RASSF2: variants seen among roughly 807,000 people sequenced by gnomAD.
RASSF2 encodes the protein Ras association domain family member 2.
A neutral mutation model predicts 46.3 loss-of-function variants in RASSF2; 34 were observed. The observed-to-expected ratio is 0.73, with a 90% CI of 0.56 to 0.98. The LOEUF is 0.98. Among genes scored for constraint, RASSF2 ranks in the 50% least tolerant of loss-of-function variants. RASSF2 has a pLI of 0.00. For missense variants in RASSF2, 364 were observed against 431.2 expected (o/e 0.84, Z 1.38); for synonymous variants, 158 against 162.5 (o/e 0.97, Z 0.21).
rs1928875058 is a variant in RASSF2, at chr20:4,823,608, T to A, written c.-159A>T. 1 of 153,240 alleles carries A rather than the reference T, an allele frequency of 6.5e-6. No individual in the cohort carries two copies. The highest frequency in any genetic ancestry group is 2.1e-4 in the South Asian group (1 of 4,842). The allele number at this position is 153,240 out of a possible 1,614,324, so 9.5% of individuals were successfully genotyped here. ...TTTTCTCTCGCTCTTCATATCACTC[T>A]CCACCCCTTCGCCTTGCCTTCGCCT... On this transcript the variant is annotated 5_prime_UTR_variant, in exon 1 of 12. Coordinates refer to ENST00000379400, the MANE Select transcript of RASSF2 (RefSeq NM_014737.3).
At chr20:4,792,507 C>T in intron 6 of RASSF2, 32 bp downstream of exon 6, 1 of 1,613,524 alleles carries the variant, frequency 6.2e-7, no homozygotes, top group Non-Finnish European at 8.5e-7. Flanking sequence ...ACAGTTGGTC[C>T]CTAGCTGGAA....
chr20:4,791,508 T>C (rs1232935113), intron 6 of RASSF2, among the ~76,000 whole-genome samples: 4 of 152,258 alleles, frequency 2.6e-5, no homozygotes, highest in Non-Finnish European at 5.9e-5. Flanking sequence ...CCATGGCATA[T>C]GTCTATCCTT....
chr20:4,809,765 C>T (rs986701514), intron 2 of RASSF2, among the ~76,000 whole-genome samples: 4 of 152,072 alleles, frequency 2.6e-5, no homozygotes, highest in African/African-American at 7.2e-5. Context: ...GGAGGCAGGA[C>T]GGGGGCAGTG....
intron 11 of RASSF2, among the ~76,000 whole-genome samples, chr20:4,784,567 T>G (rs555299905): frequency 2.1e-5 from 3 of 143,018 alleles, no homozygotes; most frequent in South Asian, 2.2e-4. Flanking sequence ...AATTAGATTA[T>G]TTTACTATGG....
At chr20:4,801,766 C>G (rs2122563466) in intron 2 of RASSF2, among the ~76,000 whole-genome samples, 1 of 152,132 alleles carries the variant, frequency 6.6e-6, no homozygotes, top group Middle Eastern at 3.4e-3. Flanking sequence ...GAGAAAGAGT[C>G]TCACTCTCTT....
intron 11 of RASSF2, among the ~76,000 whole-genome samples, chr20:4,785,392 G>T (rs1460012399): frequency 1.3e-5 from 2 of 152,110 alleles, no homozygotes; most frequent in African/African-American, 2.4e-5. Context: ...CATAGTAAGT[G>T]TTCAGTGTGT....
In RASSF2 at chr20:4,790,738, T is replaced by G. The variant is rs1457364445; in HGVS notation, c.377-127A>C. 1.5e-6 allele frequency: 1 copy of G among 678,678 alleles called. No individual in the cohort carries two copies. The highest frequency in any genetic ancestry group is 2.2e-6 in the Non-Finnish European group (1 of 463,554). 42.0% of individuals were successfully genotyped at this position (678,678 alleles called of 1,614,324 possible). On this transcript the variant is annotated intron_variant, in intron 6 of 11. Transcript: ENST00000379400. This position sits in a 1 kb window ranked among gnomAD's most constrained non-coding sequence, Gnocchi z 4.3. Reference sequence around the variant, plus strand: ...ATATATATTTTATACAAATAATATTTTCTGCTGGGGGAAAAACATAATGCA... The same window carrying G: ...ATATATATTTTATACAAATAATATTGTCTGCTGGGGGAAAAACATAATGCA...
chr20:4,808,096 G>A (rs1168626746), intron 2 of RASSF2, among the ~76,000 whole-genome samples: 1 of 152,228 alleles, frequency 6.6e-6, no homozygotes, highest in Non-Finnish European at 1.5e-5. Context: ...TTGTGGAACA[G>A]GAATGTGGAT....
intron 2 of RASSF2, among the ~76,000 whole-genome samples, chr20:4,816,846 G>A (rs1171831907): frequency 6.6e-6 from 1 of 152,174 alleles, no homozygotes; most frequent in African/African-American, 2.4e-5. Context: ...GCTCACACCT[G>A]TAATCCCAGC....
chr20:4,817,656 G>A (rs1242619976), intron 2 of RASSF2, among the ~76,000 whole-genome samples: 1 of 152,070 alleles, frequency 6.6e-6, no homozygotes, highest in Non-Finnish European at 1.5e-5. Flanking sequence ...GGCCTCCTCT[G>A]GAGACACACC....
intron 2 of RASSF2, among the ~76,000 whole-genome samples, chr20:4,818,515 G>A (rs913584265): frequency 7.2e-5 from 11 of 152,168 alleles, no homozygotes; most frequent in South Asian, 2.1e-4. Flanking sequence ...TGCCAATGGC[G>A]CACAACTCTT....
chr20:4,790,454 A>C lies in RASSF2; in HGVS notation c.534T>G (p.His178Gln). 2 of 1,474,316 alleles carry C rather than the reference A, an allele frequency of 1.4e-6. No individual in the cohort carries two copies. Among genetic ancestry groups the C allele is most frequent in the Non-Finnish European group, 1.8e-6 (2 of 1,113,896 alleles). The allele number at this position is 1,474,316 out of a possible 1,614,324, so 91.3% of individuals were successfully genotyped here. A position where few individuals can be genotyped will look rare whatever the true frequency, so the allele number is the denominator to read the frequency against. ...RFSINGHFYN[H>Q]KTSVFTPAYG... is the part of the protein sequence containing the mutation. ...CCCGTCCCCCTGTCCACCTTACCTT[A>C]TGGTTGTAGAAATGGCCGTTGATGG... is the stretch of plus-strand genomic sequence containing the variant. Residue 178 changes from histidine (H) to glutamine (Q), a missense_variant, in exon 7 of 12, where the codon CAT (histidine) becomes CAG (glutamine). By Grantham distance (24) the His-to-Gln change is conservative. Coordinates refer to ENST00000379400, the MANE Select transcript of RASSF2 (RefSeq NM_014737.3). The surrounding 1 kb of genome is among the most constrained non-coding windows in gnomAD (Gnocchi z 4.3).
At chr20:4,811,656 A>T (rs1927828281) in intron 2 of RASSF2, among the ~76,000 whole-genome samples, 1 of 152,180 alleles carries the variant, frequency 6.6e-6, no homozygotes, top group African/African-American at 2.4e-5. Context: ...GAAAGGGGAC[A>T]GTGTAGAGTG....
intron 5 of RASSF2, among the ~76,000 whole-genome samples, chr20:4,793,628 G>T (rs1186723708): frequency 6.6e-6 from 1 of 151,972 alleles, no homozygotes; most frequent in South Asian, 2.1e-4. Context: ...ACCGGTCTCA[G>T]CATCCTTATT....
intron 3 of RASSF2, among the ~76,000 whole-genome samples, chr20:4,800,300 C>T (rs527803949): frequency 7.2e-5 from 11 of 152,294 alleles, no homozygotes; most frequent in African/African-American, 2.4e-4. Flanking sequence ...GGACACACTA[C>T]TCCAGCCAGG....
intron 2 of RASSF2, among the ~76,000 whole-genome samples, chr20:4,805,467 C>A (rs1725460935): frequency 6.6e-6 from 1 of 152,128 alleles, no homozygotes; most frequent in Admixed American, 6.5e-5. Context: ...GCCCTACCAC[C>A]ACCTTAGTTT....
At chr20:4,800,225 C>A (rs2122551655) in intron 3 of RASSF2, among the ~76,000 whole-genome samples, 1 of 152,290 alleles carries the variant, frequency 6.6e-6, no homozygotes, top group South Asian at 2.1e-4. Flanking sequence ...GACTTTAGTG[C>A]ACAGAAAGCA....
At chr20:4,813,466 C>A (rs1005175726) in intron 2 of RASSF2, among the ~76,000 whole-genome samples, 2 of 152,166 alleles carry the variant, frequency 1.3e-5, no homozygotes, top group African/African-American at 4.8e-5. Flanking sequence ...CTGCCTCCAG[C>A]TCCACCCCAG....
In RASSF2 at chr20:4,789,509, A is replaced by G. The variant is rs1925673444; in HGVS notation, c.639+87T>C. ...TGCTCAGCATCCCACAAAACACACA[A>G]TTTCCATAGCTCCTCGCACAACCAC... On this transcript the variant is annotated intron_variant, in intron 8 of 11. Coordinates refer to ENST00000379400, the MANE Select transcript of RASSF2 (RefSeq NM_014737.3). The G allele has an allele frequency of 4.4e-6, 5 of 1,143,818 alleles. No individual in the cohort carries two copies. The Admixed American group carries it at 8.0e-5, about 18-fold the overall frequency. The allele number at this position is 1,143,818 out of a possible 1,614,324, so 70.9% of individuals were successfully genotyped here.
Sources: gnomAD v4.1 joint callset for allele counts (sites outside exome capture counted in the v4.1 genomes callset) on GRCh38, gnomAD v4.1.1 for gene constraint, Gnocchi (gnomAD v3.1) non-coding constraint, MANE v1.5 for transcripts, NCBI Gene and HGNC (gene_info 2026-07-23, HGNC 2026-07-21) for gene names.